Variants in FSTL5 observed in about 807,000 individuals in gnomAD.
FSTL5 encodes follistatin-related protein 5.
In FSTL5, 62 loss-of-function variants were observed where a neutral mutation model predicts 89.1. That is an observed-to-expected ratio of 0.70 (90% CI 0.57 to 0.86). The LOEUF is 0.86. Ranked by LOEUF, FSTL5 falls within the 40% of genes least tolerant of loss-of-function variation. The probability of loss-of-function intolerance (pLI) is 0.00; values close to 1 mark genes in which losing one functional copy is unlikely to be tolerated. For synonymous variants in FSTL5, 383 were observed against 346.2 expected, an observed-to-expected ratio of 1.11 and a Z score of -1.18; for missense variants, 1,057 against 1,001.6, an observed-to-expected ratio of 1.06 and a Z score of -0.75.
At position 161,632,375 on chromosome 4, in the gene FSTL5, G is replaced by A. The variant is rs373206645; in HGVS notation, c.894+23953C>T. 6.3e-4 allele frequency among the ~76,000 whole-genome samples: 96 copies of A among 151,980 alleles called. 1 individual carries two copies. The highest frequency in any genetic ancestry group is 7.1e-4 in the Non-Finnish European group (48 of 67,934). On this transcript the variant is annotated intron_variant, in intron 7 of 15. Coordinates refer to ENST00000306100, the MANE Select transcript of FSTL5 (RefSeq NM_020116.5). ...AGCCCTGGCGACAGACTGAGACTCC[G>A]CCCCCAAAATCAAAACAAAACAAAA...
rs116096536 is a variant in FSTL5, at chr4:162,069,554, C to T, written c.127-35896G>A. Among the ~76,000 whole-genome samples the T allele has an allele frequency of 3.6e-3, 549 of 151,946 alleles. 3 individuals carry two copies. The highest frequency in any genetic ancestry group is 0.013 in the African/African-American group (527 of 41,490). On this transcript the variant is annotated intron_variant, in intron 2 of 15. Coordinates refer to ENST00000306100, the MANE Select transcript of FSTL5 (RefSeq NM_020116.5). ...CTCCTTATCCACCCCTTCCCCTGAC[C>T]GTTTCCAGCCTCTAATAACCACAAT...
chr4:162,154,647 A>T (rs1733395552), intron 1 of FSTL5, among the ~76,000 whole-genome samples: 1 of 152,196 alleles, frequency 6.6e-6, no homozygotes, highest in South Asian at 2.1e-4. Flanking sequence ...ACAGCAGATG[A>T]CCAAACTCTA....
At chr4:161,645,490 T>A (rs1736121163) in intron 7 of FSTL5, among the ~76,000 whole-genome samples, 1 of 152,148 alleles carries the variant, frequency 6.6e-6, no homozygotes, top group East Asian at 1.9e-4. Context: ...TTACTGATTT[T>A]AAGACTTGTT....
At chr4:161,745,374 C>G (rs1003694832) in intron 6 of FSTL5, among the ~76,000 whole-genome samples, 1 of 151,962 alleles carries the variant, frequency 6.6e-6, no homozygotes, top group African/African-American at 2.4e-5. Context: ...AAATGTGCTA[C>G]TTTCTTAGAA....
At chr4:161,740,285 G>T (rs1339327916) in intron 6 of FSTL5, among the ~76,000 whole-genome samples, 1 of 152,068 alleles carries the variant, frequency 6.6e-6, no homozygotes, top group Non-Finnish European at 1.5e-5. Context: ...CTCCCAAAGT[G>T]CTGGGATTAC....
At chr4:162,063,066 C>T (rs1738774404) in intron 2 of FSTL5, among the ~76,000 whole-genome samples, 1 of 151,708 alleles carries the variant, frequency 6.6e-6, no homozygotes, top group Admixed American at 6.6e-5. Context: ...ATATCCTGTT[C>T]ACTTCTTCAA....
chr4:161,478,739 C>T (rs1345628561), intron 13 of FSTL5, among the ~76,000 whole-genome samples: 1 of 151,922 alleles, frequency 6.6e-6, no homozygotes, highest in Non-Finnish European at 1.5e-5. Flanking sequence ...GTTTTCACAT[C>T]TAGGTATGCC....
intron 3 of FSTL5, among the ~76,000 whole-genome samples, chr4:161,960,193 T>C (rs1223729672): frequency 6.7e-6 from 1 of 148,268 alleles, no homozygotes; most frequent in African/African-American, 2.5e-5. Context: ...TGAGATGGAG[T>C]TTCGCTCTTG....
intron 1 of FSTL5, among the ~76,000 whole-genome samples, chr4:162,120,045 C>CA (rs1731793312): frequency 6.6e-6 from 1 of 151,936 alleles, no homozygotes; most frequent in Non-Finnish European, 1.5e-5. Flanking sequence ...TTTACCCTTT[C>CA]AAAAAAGGAG....
chr4:162,033,484 A>C (rs1035681181), intron 3 of FSTL5, 141 bp downstream of exon 3: 23 of 553,580 alleles, frequency 4.2e-5, no homozygotes, highest in African/African-American at 3.9e-4. Flanking sequence ...TAGGGCTCAA[A>C]ATGGCTGTAA....
chr4:161,919,638 T>C (rs184622707), intron 4 of FSTL5, among the ~76,000 whole-genome samples: 1 of 152,204 alleles, frequency 6.6e-6, no homozygotes, highest in Non-Finnish European at 1.5e-5. Context: ...TAATTATTGA[T>C]GGAAGTTCTA....
Position 161,611,150 on chromosome 4 carries a change from A to G in FSTL5, c.895-23575T>C, listed in dbSNP as rs190731626. Among the ~76,000 whole-genome samples, 287 of 147,030 alleles carry G rather than the reference A, an allele frequency of 2.0e-3. 2 individuals are homozygous for G. The highest frequency in any genetic ancestry group is 6.9e-3 in the African/African-American group (280 of 40,350). ...TATATATATATATGTATCTATATAT[A>G]TGTGTGTGTATATATATATGTGTAT... On this transcript the variant is annotated intron_variant, in intron 7 of 15. Transcript: ENST00000306100.
intron 14 of FSTL5, among the ~76,000 whole-genome samples, chr4:161,458,788 C>T (rs1733455526): frequency 6.6e-6 from 1 of 152,094 alleles, no homozygotes; most frequent in Non-Finnish European, 1.5e-5. Context: ...AGAATAACAC[C>T]ACTATTCTTC....
At chr4:161,568,263 G>T (rs1266307335) in intron 8 of FSTL5, among the ~76,000 whole-genome samples, 1 of 152,054 alleles carries the variant, frequency 6.6e-6, no homozygotes, top group Non-Finnish European at 1.5e-5. Context: ...AGAAGAGAGT[G>T]GTGTTCTTTA....
chr4:161,962,274 A>AT (rs1436262153), intron 3 of FSTL5, among the ~76,000 whole-genome samples: 28 of 152,100 alleles, frequency 1.8e-4, no homozygotes, highest in African/African-American at 5.5e-4. Context: ...TGTCAGTGCT[A>AT]TAAGAGTATT....
At chr4:161,993,069 A>G (rs1736184819) in intron 3 of FSTL5, among the ~76,000 whole-genome samples, 1 of 150,262 alleles carries the variant, frequency 6.7e-6, no homozygotes, top group African/African-American at 2.4e-5. Context: ...ATGATGCCTT[A>G]TTTGATATTG....
intron 13 of FSTL5, among the ~76,000 whole-genome samples, chr4:161,477,597 C>T (rs943729382): frequency 6.6e-6 from 1 of 151,190 alleles, no homozygotes; most frequent in African/African-American, 2.4e-5. Context: ...TTCCTAAATA[C>T]ACTGCATTAT....
intron 7 of FSTL5, among the ~76,000 whole-genome samples, chr4:161,614,002 T>C (rs945376651): frequency 2.6e-5 from 4 of 152,188 alleles, no homozygotes; most frequent in Admixed American, 1.3e-4. Context: ...TTTGAAGATA[T>C]ACAATTTCTG....
chr4:161,665,537 G>C (rs1010200682), intron 6 of FSTL5, among the ~76,000 whole-genome samples: 1 of 152,072 alleles, frequency 6.6e-6, no homozygotes, highest in Non-Finnish European at 1.5e-5. Flanking sequence ...CCGGCCCAGA[G>C]AGAAATCTTA....
Sources: gnomAD v4.1 joint callset for allele counts (sites outside exome capture counted in the v4.1 genomes callset) on GRCh38, gnomAD v4.1.1 for gene constraint, MANE v1.5 for transcripts, NCBI Gene and HGNC (gene_info 2026-07-23, HGNC 2026-07-21) for gene names.